LRGUK: variants seen among roughly 807,000 people sequenced by gnomAD.
LRGUK encodes leucine-rich repeat and guanylate kinase domain-containing protein.
Under a neutral mutation model 76.0 loss-of-function variants are expected in LRGUK, and 65 were observed. The observed-to-expected ratio is 0.85, with a 90% CI of 0.70 to 1.05. The LOEUF (loss-of-function observed/expected upper bound fraction) is 1.05, where lower values mean the gene tolerates loss of function less well. Ranked by LOEUF, LRGUK falls within the 50% of genes least tolerant of loss-of-function variation. The probability of loss-of-function intolerance (pLI) is 0.00; values close to 1 mark genes in which losing one functional copy is unlikely to be tolerated. For synonymous variants in LRGUK, 268 were observed against 265.6 expected (o/e 1.01, Z -0.09); for missense variants, 758 against 732.8 (o/e 1.03, Z -0.40).
the LRGUK span, among the ~76,000 whole-genome samples, chr7:134,273,510 AC>A: frequency 7.5e-3 from 1,108 of 148,148 alleles, 6 homozygotes; most frequent in Non-Finnish European, 0.011. Context: ...CAGGCATTGC[AC>A]TTTTTTTTTT....
At chr7:134,139,764 G>A (rs916845089) in intron 3 of LRGUK, among the ~76,000 whole-genome samples, 2 of 152,100 alleles carry the variant, frequency 1.3e-5, no homozygotes, top group African/African-American at 4.8e-5. Context: ...ATGGAATGTT[G>A]GCTTTATTTT....
chr7:134,183,199 G>A (rs530430349), intron 10 of LRGUK, among the ~76,000 whole-genome samples: 3 of 152,184 alleles, frequency 2.0e-5, no homozygotes, highest in African/African-American at 7.2e-5. Flanking sequence ...TTCTTCATAC[G>A]TTAAAAGGGG....
chr7:134,199,980 TTTTATATATATATATATATATATATATA>T lies in LRGUK; in HGVS notation c.1747+561_1747+588del, dbSNP rs1238688777. On this transcript the variant is annotated intron_variant, in intron 14 of 15. Coordinates refer to ENST00000645682, the Ensembl canonical transcript of LRGUK. ...ATTTCTATAGATATATTCTAGAAACTTTTATATATATATATATATATATATATATATATATATATATATATATATGTAT... is the reference window on the plus strand; with the variant it reads ...ATTTCTATAGATATATTCTAGAAACTTATATATATATATATATATATGTAT... Among the ~76,000 whole-genome samples, 135 of 69,558 alleles carry T rather than the reference TTTTATATATATATATATATATATATATA, an allele frequency of 1.9e-3. 1 individual carries two copies. Among genetic ancestry groups the T allele is most frequent in the Non-Finnish European group, 3.0e-3 (109 of 36,218 alleles). 45.6% of individuals were successfully genotyped at this position (69,558 alleles called of 152,430 possible).
chr7:134,127,533 A>G, exon 1 of LRGUK: 1 of 1,614,160 alleles, frequency 6.2e-7, no homozygotes, highest in Non-Finnish European at 8.5e-7. Flanking sequence ...CAGCTCTAAC[A>G]TAGCCTCCTC....
chr7:134,192,204 T>C (rs1357135347), intron 12 of LRGUK, among the ~76,000 whole-genome samples: 1 of 152,226 alleles, frequency 6.6e-6, no homozygotes, highest in Non-Finnish European at 1.5e-5. Flanking sequence ...TTTCTAATTG[T>C]TACAACCCTA....
chr7:134,215,222 A>G (rs1029020076), downstream of LRGUK, among the ~76,000 whole-genome samples: 3 of 152,188 alleles, frequency 2.0e-5, no homozygotes, highest in Admixed American at 1.3e-4. Flanking sequence ...CCTGGCAAAA[A>G]AAAAAAAGTG....
intron 9 of LRGUK, among the ~76,000 whole-genome samples, chr7:134,177,345 C>T (rs918248053): frequency 3.3e-5 from 5 of 152,138 alleles, no homozygotes; most frequent in African/African-American, 1.2e-4. Context: ...ATATAGGTCG[C>T]AGCTTTATGG....
intron 19 of LRGUK, among the ~76,000 whole-genome samples, chr7:134,261,618 A>C (rs1396132658): frequency 6.6e-6 from 1 of 152,226 alleles, no homozygotes; most frequent in Non-Finnish European, 1.5e-5. Flanking sequence ...TGTGATTACT[A>C]GTCAAATCTC....
intron 16 of LRGUK, among the ~76,000 whole-genome samples, chr7:134,227,918 G>A (rs1801802135): frequency 6.6e-6 from 1 of 152,114 alleles, no homozygotes; most frequent in Admixed American, 6.6e-5. Flanking sequence ...ATATGTTATT[G>A]AATCCTAAAA....
intron 15 of LRGUK, among the ~76,000 whole-genome samples, chr7:134,205,234 G>A (rs894313139): frequency 6.6e-6 from 1 of 152,078 alleles, no homozygotes; most frequent in Admixed American, 6.5e-5. Context: ...GTTTTACAGA[G>A]CGCTGATTGG....
At chr7:134,168,924 C>G (rs1799114594) in intron 7 of LRGUK, among the ~76,000 whole-genome samples, 1 of 152,116 alleles carries the variant, frequency 6.6e-6, no homozygotes, top group African/African-American at 2.4e-5. Context: ...CATGGAGCCA[C>G]TTCTCTTGGA....
At chr7:134,226,373 C>G (rs1210595419) in intron 16 of LRGUK, among the ~76,000 whole-genome samples, 1 of 152,144 alleles carries the variant, frequency 6.6e-6, no homozygotes, top group African/African-American at 2.4e-5. Flanking sequence ...ATGAGGCCTT[C>G]TCTATACCGC....
intron 4 of LRGUK, 143 bp from the exon 5 acceptor site, chr7:134,148,095 G>A (rs1481689176): frequency 7.6e-6 from 4 of 524,276 alleles, no homozygotes; most frequent in Non-Finnish European, 1.3e-5. Flanking sequence ...AAAGACAGAT[G>A]ATTCTTTTAG....
intron 4 of LRGUK, among the ~76,000 whole-genome samples, chr7:134,144,400 A>G (rs1326982429): frequency 6.6e-6 from 1 of 152,108 alleles, no homozygotes; most frequent in East Asian, 2.0e-4. Context: ...CAGCCTCCCA[A>G]AGTGCTAGGA....
intron 14 of LRGUK, 127 bp downstream of exon 14, chr7:134,199,548 G>A (rs118068109): frequency 0.014 from 10,265 of 733,658 alleles, 93 homozygotes; most frequent in Non-Finnish European, 0.017. Flanking sequence ...AAAGAGCTGC[G>A]AAAAGGGGTA....
At chr7:134,179,399 G>A (rs1455201456) in intron 10 of LRGUK, among the ~76,000 whole-genome samples, 1 of 152,146 alleles carries the variant, frequency 6.6e-6, no homozygotes, top group Non-Finnish European at 1.5e-5. Context: ...TCTTCTTCAT[G>A]TGGTATTTGC....
rs142877980 is a variant in LRGUK at position 134,128,743 on chromosome 7, G to T, written c.297+1079G>T. 4.9e-3 allele frequency among the ~76,000 whole-genome samples: 748 copies of T among 152,206 alleles called. 2 individuals carry two copies. The highest frequency in any genetic ancestry group is 8.3e-3 in the Non-Finnish European group (563 of 68,016). On this transcript the variant is annotated intron_variant, in intron 1 of 15. Transcript: ENST00000645682. ...TTTTTATATTTTTAGTAGAGACGAG[G>T]TTTCACCGTGTTAGTCAGGATGGTC...
chr7:134,138,374 C>T (rs958572154), intron 2 of LRGUK, among the ~76,000 whole-genome samples: 2 of 152,200 alleles, frequency 1.3e-5, no homozygotes, highest in African/African-American at 4.8e-5. Context: ...TTACTGAATA[C>T]ACTTTCTTAG....
At chr7:134,182,821 G>A (rs1799812430) in intron 10 of LRGUK, among the ~76,000 whole-genome samples, 2 of 152,104 alleles carry the variant, frequency 1.3e-5, no homozygotes, top group Non-Finnish European at 2.9e-5. Context: ...GAGTACAATG[G>A]CGCCATCTCG....
Sources: gnomAD v4.1 joint callset for allele counts (sites outside exome capture counted in the v4.1 genomes callset) on GRCh38, gnomAD v4.1.1 for gene constraint, MANE v1.5 for transcripts, NCBI Gene and HGNC (gene_info 2026-07-23, HGNC 2026-07-21) for gene names.